Variants in USP24 observed in about 807,000 individuals in gnomAD.
The protein encoded by USP24 is ubiquitin specific peptidase 24.
In USP24, 97 loss-of-function variants were observed where a neutral mutation model predicts 361.6. The ratio of observed to expected loss-of-function variants is 0.27; its 90% CI spans 0.23 to 0.32. The LOEUF is 0.32. USP24 is among the 10% of genes least tolerant of loss of function. The pLI is 1.00. For synonymous variants in USP24, 1,098 were observed against 1,124.6 expected, an observed-to-expected ratio of 0.98 and a Z score of 0.47; for missense variants, 2,353 against 3,165.6, an observed-to-expected ratio of 0.74 and a Z score of 6.16.
chr1:55,193,963 T>C (rs1644354166), intron 1 of USP24, among the ~76,000 whole-genome samples: 3 of 152,158 alleles, frequency 2.0e-5, no homozygotes, highest in Non-Finnish European at 4.4e-5. Flanking sequence ...AGATTAAGCA[T>C]ACTTGAAAGT....
rs762788572 is a variant in USP24, at chr1:55,176,468, T to A, written c.491-25A>T. 23 of 1,547,306 alleles carry A rather than the reference T, an allele frequency of 1.5e-5. No homozygotes were observed. The South Asian group carries it at 2.3e-4, about 15-fold the overall frequency. On this transcript the variant is annotated intron_variant, in intron 2 of 67. Transcript: ENST00000294383. Reference sequence around the variant, plus strand: ...CCTTAGTAAAATGCATGAAATAATATACTTTATTTAAGTCAGACTCAGAAA... The same window carrying A: ...CCTTAGTAAAATGCATGAAATAATAAACTTTATTTAAGTCAGACTCAGAAA...
At position 55,141,699 on chromosome 1, in the gene USP24, T is replaced by C; in HGVS notation, c.2667A>G (p.Leu889=). The C allele has an allele frequency of 6.2e-7, 1 of 1,610,846 alleles. No homozygotes were observed. The highest frequency in any genetic ancestry group is 2.2e-5 in the East Asian group (1 of 44,788). ...AASSALGGPT[L]THAVTRATKM... is the part of the protein sequence containing the mutation. ...TTGTTGCTCTGGTCACAGCATGTGT[T>C]AGAGTGGGGCCACCAAGTGCTGAAC... is the stretch of plus-strand genomic sequence containing the variant. Residue 889 remains leucine (L), a synonymous_variant, in exon 24 of 68, where the codon CTA becomes CTG. Coordinates refer to ENST00000294383, the MANE Select transcript of USP24 (RefSeq NM_015306.3).
chr1:55,103,752 A>G, intron 42 of USP24, 124 bp downstream of exon 42: 1 of 1,071,402 alleles, frequency 9.3e-7, no homozygotes, highest in Non-Finnish European at 1.3e-6. Context: ...GTATGTGAAC[A>G]CAGTAAGCAA....
chr1:55,158,070 T>C (rs1301594808), intron 10 of USP24, among the ~76,000 whole-genome samples: 1 of 152,182 alleles, frequency 6.6e-6, no homozygotes, highest in South Asian at 2.1e-4. Flanking sequence ...CTATTCATTG[T>C]CTTGATCTCT....
intron 38 of USP24, among the ~76,000 whole-genome samples, chr1:55,116,777 G>C (rs1307188615): frequency 6.6e-6 from 1 of 151,594 alleles, no homozygotes; most frequent in Non-Finnish European, 1.5e-5. Flanking sequence ...AATATTTAAA[G>C]AATTACCACC....
At chr1:55,164,796 C>T (rs1026979887) in intron 7 of USP24, among the ~76,000 whole-genome samples, 1 of 151,722 alleles carries the variant, frequency 6.6e-6, no homozygotes, top group Non-Finnish European at 1.5e-5. Flanking sequence ...TTTGGGAGTG[C>T]TCTGTATTTT....
chr1:55,202,640 G>C lies in USP24; in HGVS notation c.324+12150C>G, dbSNP rs906096134. Among the ~76,000 whole-genome samples the C allele has an allele frequency of 2.6e-5, 4 of 152,210 alleles. No homozygotes were observed. The South Asian group carries it at 8.3e-4, about 32-fold the overall frequency. ...GGCTGGTCTCAAACTCCTGACCTCA[G>C]GTGATCCACCTGCCTTGGCCTCCCA... On this transcript the variant is annotated intron_variant, in intron 1 of 67. Transcript: ENST00000294383.
chr1:55,095,495 T>G, intron 50 of USP24, 99 bp from the exon 51 acceptor site: 2 of 1,326,424 alleles, frequency 1.5e-6, no homozygotes, highest in Non-Finnish European at 2.0e-6. Context: ...AGTAGTTAAC[T>G]ACTCCCTAAG....
intron 51 of USP24, among the ~76,000 whole-genome samples, chr1:55,094,370 G>A (rs191547697): frequency 5.5e-4 from 83 of 152,178 alleles, no homozygotes; most frequent in Non-Finnish European, 2.4e-4. Context: ...TGGCATATGA[G>A]ATTTAACATT....
At chr1:55,197,143 C>CA (rs1370580159) in intron 1 of USP24, among the ~76,000 whole-genome samples, 1 of 152,194 alleles carries the variant, frequency 6.6e-6, no homozygotes, top group Non-Finnish European at 1.5e-5. Flanking sequence ...CAGATAACCA[C>CA]AGTTGGCTTC....
chr1:55,098,646 C>A lies in USP24; in HGVS notation c.5371-88G>T, dbSNP rs1570396318. ...TTATTAACACATTGCAATTTAAGGA[C>A]CAAAACAAAACGCGTCATTCTGGTA... On this transcript the variant is annotated intron_variant, in intron 45 of 67. Transcript: ENST00000294383. 4.1e-6 allele frequency: 4 copies of A among 967,040 alleles called. No homozygotes were observed. The Admixed American group carries it at 8.1e-5, about 19-fold the overall frequency. 59.9% of individuals were successfully genotyped at this position (967,040 alleles called of 1,614,324 possible). A position where few individuals can be genotyped will look rare whatever the true frequency, so the allele number is the denominator to read the frequency against.
At chr1:55,182,277 C>T (rs1450193037) in intron 1 of USP24, among the ~76,000 whole-genome samples, 2 of 152,212 alleles carry the variant, frequency 1.3e-5, no homozygotes, top group East Asian at 3.9e-4. Flanking sequence ...GTCTCGATCT[C>T]TTGACCTCAT....
In USP24 at chr1:55,183,825, A is replaced by G. The variant is rs574855988; in HGVS notation, c.325-5693T>C. ...GGATGTAAAAAGATATCATACACAC[A>G]TACAGGAGCTGGAATGGCTATATTA... is the stretch of plus-strand genomic sequence containing the variant. On this transcript the variant is annotated intron_variant, in intron 1 of 67. Coordinates refer to ENST00000294383, the MANE Select transcript of USP24 (RefSeq NM_015306.3). Among the ~76,000 whole-genome samples, 26 of 152,326 alleles carry G rather than the reference A, an allele frequency of 1.7e-4. No homozygotes were observed. The South Asian group carries it at 4.3e-3, about 25-fold the overall frequency.
chr1:55,071,477 G>C (rs991034255), intron 67 of USP24: 20 of 1,051,888 alleles, frequency 1.9e-5, no homozygotes, highest in Non-Finnish European at 2.2e-5. Flanking sequence ...AGCAAACGAG[G>C]GACTTTCAGT....
rs769319981 is a variant in USP24 at position 55,147,069 on chromosome 1, A to G, written c.2119-9T>C. The G allele has an allele frequency of 5.2e-6, 8 of 1,553,390 alleles. No individual in the cohort carries two copies. In the Admixed American group the frequency reaches 1.3e-4, roughly 24 times the overall value. On this transcript the variant is annotated splice_polypyrimidine_tract_variant and intron_variant, in intron 18 of 67. Transcript: ENST00000294383. ...AGATGTGCCTCTAAATACTGCAAAA[A>G]GAAATAATGCTAATTAGTTAACTCC...
chr1:55,104,089 C>G, intron 41 of USP24, 69 bp from the exon 42 acceptor site: 1 of 1,496,716 alleles, frequency 6.7e-7, no homozygotes, highest in East Asian at 2.4e-5. Context: ...TAAACTAAAT[C>G]AACAGTTGAA....
At position 55,111,737 on chromosome 1, in the gene USP24, G is replaced by A. The variant is rs78735748; in HGVS notation, c.4509-1491C>T. ...TGGTAAACTATAACATAATTTTTAA[G>A]TTTTGGCTGAATTTTTAACATTTCT... is the stretch of plus-strand genomic sequence containing the variant. On this transcript the variant is annotated intron_variant, in intron 38 of 67. Transcript: ENST00000294383. Among the ~76,000 whole-genome samples the A allele has an allele frequency of 4.5e-3, 691 of 152,124 alleles. 7 individuals carry two copies. The highest frequency in any genetic ancestry group is 0.016 in the African/African-American group (669 of 41,530).
chr1:55,214,523 C>A (rs1260407745), intron 1 of USP24, among the ~76,000 whole-genome samples: 3 of 152,098 alleles, frequency 2.0e-5, no homozygotes, highest in Non-Finnish European at 4.4e-5. Context: ...TAAGGGACCC[C>A]TCCTCACCCC....
chr1:55,146,095 C>G lies in USP24; in HGVS notation c.2265G>C (p.Trp755Cys). The change falls in exon 20 of 68, where the codon TGG (tryptophan) becomes TGC (cysteine). Residue 755 changes from tryptophan to cysteine, a missense_variant. By Grantham distance (215) the Trp-to-Cys change is radical (BLOSUM62 -2). Coordinates refer to ENST00000294383, the MANE Select transcript of USP24 (RefSeq NM_015306.3). The part of the protein sequence containing the change: ...CELDREMCFE[W>C]FTKGQHDLES... ...CAAGATCATGCTGTCCTTTTGTAAA[C>G]CATTCAAAACACATCTGTGGAATAA... The G allele has an allele frequency of 2.5e-6, 4 of 1,612,594 alleles. No homozygotes were observed. Among genetic ancestry groups the G allele is most frequent in the Non-Finnish European group, 3.4e-6 (4 of 1,179,138 alleles).
Sources: allele counts gnomAD v4.1 joint callset (sites outside exome capture counted in the v4.1 genomes callset), GRCh38; gene constraint gnomAD v4.1.1; transcripts MANE v1.5; gene names NCBI Gene and HGNC (gene_info 2026-07-23, HGNC 2026-07-21).